PODXL: variants seen among roughly 807,000 people sequenced by gnomAD.
PODXL encodes podocalyxin like.
In PODXL, 20 loss-of-function variants were observed where a neutral mutation model predicts 48.9. That is an observed-to-expected ratio of 0.41 (90% CI 0.29 to 0.59). The LOEUF (loss-of-function observed/expected upper bound fraction) is 0.59, where lower values mean the gene tolerates loss of function less well. Among genes scored for constraint, PODXL ranks in the 20% least tolerant of loss-of-function variants. PODXL has a pLI of 0.31. For missense variants in PODXL, 606 were observed against 675.1 expected, an observed-to-expected ratio of 0.90 and a Z score of 1.13; for synonymous variants, 295 against 287.4, an observed-to-expected ratio of 1.03 and a Z score of -0.27.
intron 1 of PODXL, among the ~76,000 whole-genome samples, chr7:131,544,525 T>C (rs978195410): frequency 6.6e-6 from 1 of 152,132 alleles, no homozygotes; most frequent in African/African-American, 2.4e-5. Context: ...AAACCCAGGA[T>C]GACCTCAGGA....
At chr7:131,546,153 G>A (rs919918972) in intron 1 of PODXL, among the ~76,000 whole-genome samples, 2 of 149,380 alleles carry the variant, frequency 1.3e-5, no homozygotes, top group South Asian at 2.1e-4. Context: ...TCGTGTCACT[G>A]CCTGCTTCAC....
At chr7:131,536,528 G>A (rs963757748) in intron 1 of PODXL, among the ~76,000 whole-genome samples, 2 of 152,126 alleles carry the variant, frequency 1.3e-5, no homozygotes, top group Admixed American at 6.5e-5. Context: ...GCAGCAGCTG[G>A]TGTCAGGGCT....
At chr7:131,522,220 G>A (rs578027267) in intron 1 of PODXL, among the ~76,000 whole-genome samples, 10 of 152,322 alleles carry the variant, frequency 6.6e-5, no homozygotes, top group South Asian at 2.1e-4. Context: ...GGAGGTCAAG[G>A]TGGGTAGATC....
rs529749852 is a variant in PODXL at position 131,520,736 on chromosome 7, G to A, written c.101-9303C>T. Among the ~76,000 whole-genome samples, 10 of 152,250 alleles carry A rather than the reference G, an allele frequency of 6.6e-5. 1 individual carries two copies. The South Asian group carries it at 1.7e-3, about 25-fold the overall frequency. ...CGTCCATCAACAAAACATGAAAAGCGCAAACCAAAGAAAAAGACTGATACA... is the reference window on the plus strand; with the variant it reads ...CGTCCATCAACAAAACATGAAAAGCACAAACCAAAGAAAAAGACTGATACA... On this transcript the variant is annotated intron_variant, in intron 1 of 8. Coordinates refer to ENST00000378555, the MANE Select transcript of PODXL (RefSeq NM_001018111.3).
chr7:131,507,394 C>G (rs1262658760), intron 5 of PODXL, among the ~76,000 whole-genome samples: 1 of 152,170 alleles, frequency 6.6e-6, no homozygotes, highest in African/African-American at 2.4e-5. Context: ...AAGATTGTGG[C>G]TGACGTGGCT....
In PODXL at chr7:131,556,396, G is replaced by C. The variant is rs557127051; in HGVS notation, c.-37C>G. 1 of 1,342,278 alleles carries C rather than the reference G, an allele frequency of 7.5e-7. No homozygotes were observed. Among genetic ancestry groups the C allele is most frequent in the African/African-American group, 1.5e-5 (1 of 66,338 alleles). 83.1% of individuals were successfully genotyped at this position (1,342,278 alleles called of 1,614,324 possible). A position where few individuals can be genotyped will look rare whatever the true frequency, so the allele number is the denominator to read the frequency against. ...CTCTGGGCCGGGAGCAGGTGGCTGCGGTGCCGGCGGAGGATCCGCGCGTCC... is the reference window on the plus strand; with the variant it reads ...CTCTGGGCCGGGAGCAGGTGGCTGCCGTGCCGGCGGAGGATCCGCGCGTCC... On this transcript the variant is annotated 5_prime_UTR_variant, in exon 1 of 9. Transcript: ENST00000378555.
chr7:131,514,106 C>G (rs1343966045), intron 1 of PODXL, among the ~76,000 whole-genome samples: 1 of 152,154 alleles, frequency 6.6e-6, no homozygotes, highest in East Asian at 1.9e-4. Context: ...GAAAGGCACA[C>G]TCACCAAATG....
intron 1 of PODXL, among the ~76,000 whole-genome samples, chr7:131,540,821 G>A (rs979844055): frequency 5.3e-5 from 8 of 152,166 alleles, no homozygotes; most frequent in Non-Finnish European, 8.8e-5. Flanking sequence ...CAAGGGCCCC[G>A]AGCCAGAGGG....
At chr7:131,539,076 C>T (rs1203750851) in intron 1 of PODXL, among the ~76,000 whole-genome samples, 3 of 152,204 alleles carry the variant, frequency 2.0e-5, no homozygotes, top group African/African-American at 4.8e-5. Context: ...CTCGCCTGCC[C>T]AAGATGGGCT....
At position 131,508,997 on chromosome 7, in the gene PODXL, T is replaced by C; in HGVS notation, c.1055A>G (p.Gln352Arg). The stretch of plus-strand genomic sequence containing the variant: ...GTTCAGGACGAGCTGCTTCTCACTC[T>C]GTGTCTGTGTCTCAAGATCCTCACA... The part of the protein sequence containing the change: ...AKCEDLETQT[Q>R]SEKQLVLNLT... Residue 352 changes from glutamine (Q) to arginine (R), a missense_variant, in exon 5 of 9, where the codon CAG (glutamine) becomes CGG (arginine). Transcript: ENST00000378555. 1 of 1,614,040 alleles carries C rather than the reference T, an allele frequency of 6.2e-7. No individual in the cohort carries two copies. Among genetic ancestry groups the C allele is most frequent in the Non-Finnish European group, 8.5e-7 (1 of 1,179,884 alleles).
rs755302773 is a variant in PODXL at position 131,511,289 on chromosome 7, G to T, written c.245C>A (p.Thr82Asn). The change falls in exon 2 of 9, where the codon ACC (threonine) becomes AAC (asparagine). Residue 82 changes from threonine (T) to asparagine (N), a missense_variant. Transcript: ENST00000378555. The part of the protein sequence containing the change: ...NEILASVKAT[T>N]LGVSSDSPGT... ...CGGTGAGTCACTGGATACACCAAGGGTGGTCGCCTTGACCGAGGCCAAGAT... is the reference window on the plus strand; with the variant it reads ...CGGTGAGTCACTGGATACACCAAGGTTGGTCGCCTTGACCGAGGCCAAGAT... 3.7e-6 allele frequency: 6 copies of T among 1,614,082 alleles called. No individual in the cohort carries two copies. Among genetic ancestry groups the T allele is most frequent in the Non-Finnish European group, 4.2e-6 (5 of 1,179,992 alleles).
At chr7:131,517,521 G>GTAGT (rs2116805815) in intron 1 of PODXL, among the ~76,000 whole-genome samples, 1 of 152,266 alleles carries the variant, frequency 6.6e-6, no homozygotes, top group East Asian at 1.9e-4. Flanking sequence ...TTCCATGGCT[G>GTAGT]CGTTAACAAA....
At position 131,509,509 on chromosome 7, in the gene PODXL, C is replaced by A; in HGVS notation, c.879G>T (p.Gln293His). 6.2e-7 allele frequency: 1 copy of A among 1,611,470 alleles called. No individual in the cohort carries two copies. Among genetic ancestry groups the A allele is most frequent in the African/African-American group, 1.3e-5 (1 of 74,952 alleles). The change falls in exon 4 of 9, where the codon CAG (glutamine) becomes CAT (histidine). Residue 293 changes from glutamine to histidine, a missense_variant. Transcript: ENST00000378555. ...MPASSTAPSS[Q>H]ETVQPTSPAT... ...CCGGGCTCGTGGGCTGCACTGTCTC[C>A]TGGGAGGAAGGGGCCGTAGAGCTGG...
intron 8 of PODXL, among the ~76,000 whole-genome samples, chr7:131,505,427 G>A (rs1468373242): frequency 3.3e-5 from 5 of 151,918 alleles, no homozygotes; most frequent in African/African-American, 1.2e-4. Flanking sequence ...CAGGCGGATT[G>A]CTTGAGGTCA....
At chr7:131,508,554 G>A (rs1398640874) in intron 5 of PODXL, among the ~76,000 whole-genome samples, 1 of 152,004 alleles carries the variant, frequency 6.6e-6, no homozygotes, top group Non-Finnish European at 1.5e-5. Context: ...ACCACACCTG[G>A]CCTCACCTCT....
In PODXL at chr7:131,505,768, G is replaced by A. The variant is rs952850840; in HGVS notation, c.1479+100C>T. On this transcript the variant is annotated intron_variant, in intron 8 of 8. Transcript: ENST00000378555. Reference sequence around the variant, plus strand: ...CTCTGCCTGTTAGAAAGGGTCCAGGGCCTGCTCCCTTTCCTCTTCTGCAAC... The same window carrying A: ...CTCTGCCTGTTAGAAAGGGTCCAGGACCTGCTCCCTTTCCTCTTCTGCAAC... 3 of 1,192,838 alleles carry A rather than the reference G, an allele frequency of 2.5e-6. No individual in the cohort carries two copies. The East Asian group carries it at 7.6e-5, about 30-fold the overall frequency. The allele number at this position is 1,192,838 out of a possible 1,614,324, so 73.9% of individuals were successfully genotyped here. A position where few individuals can be genotyped will look rare whatever the true frequency, so the allele number is the denominator to read the frequency against.
At chr7:131,518,353 G>T (rs1798035639) in intron 1 of PODXL, among the ~76,000 whole-genome samples, 1 of 152,174 alleles carries the variant, frequency 6.6e-6, no homozygotes, top group Admixed American at 6.5e-5. Context: ...TAAAATACTT[G>T]AGGTGGCTAA....
Position 131,503,638 on chromosome 7 carries a change from G to A in PODXL, c.*673C>T, listed in dbSNP as rs1269802337. 2 of 152,560 alleles carry A rather than the reference G, an allele frequency of 1.3e-5. No homozygotes were observed. Among genetic ancestry groups the A allele is most frequent in the African/African-American group, 2.4e-5 (1 of 41,460 alleles). The allele number at this position is 152,560 out of a possible 1,614,324, so 9.5% of individuals were successfully genotyped here. On this transcript the variant is annotated 3_prime_UTR_variant, in exon 9 of 9. Transcript: ENST00000378555. ...TCCAGAACAAGGGGTTCAAGGTTAT[G>A]AATAACCTGTGCTAATCCCAGAGGC...
chr7:131,519,493 C>G (rs1798060298), intron 1 of PODXL, among the ~76,000 whole-genome samples: 1 of 151,298 alleles, frequency 6.6e-6, no homozygotes, highest in Non-Finnish European at 1.5e-5. Context: ...AAAGAACAAC[C>G]AAAGAAATAG....
Sources: allele counts gnomAD v4.1 joint callset (sites outside exome capture counted in the v4.1 genomes callset), GRCh38; gene constraint gnomAD v4.1.1; transcripts MANE v1.5; gene names NCBI Gene and HGNC (gene_info 2026-07-23, HGNC 2026-07-21).